The following LOC128125818 variants were observed in gnomAD, a reference collection of about 807,000 sequenced individuals.
At chr4:6,065,157 C>T in the LOC128125818 span, 4 of 985,742 alleles carry the variant, frequency 4.1e-6, no homozygotes, top group African/African-American at 1.6e-5. The surrounding 1 kb of genome is among the most constrained non-coding windows in gnomAD (Gnocchi z 5.1). Context: ...GGCTTCGTAA[C>T]TGACTGGGTG....
chr4:6,065,996 G>T, the LOC128125818 span, among the ~76,000 whole-genome samples: 119 of 151,214 alleles, frequency 7.9e-4, no homozygotes, highest in African/African-American at 1.8e-3. This position sits in a 1 kb window ranked among gnomAD's most constrained non-coding sequence, Gnocchi z 5.1. Context: ...GCTTTTTTGG[G>T]TTTTTTTTTC....
At chr4:6,068,558 CT>C in the LOC128125818 span, among the ~76,000 whole-genome samples, 164 of 136,268 alleles carry the variant, frequency 1.2e-3, no homozygotes, top group African/African-American at 2.7e-3. Flanking sequence ...AATTTTTTAA[CT>C]TTTTTTTTTT....
chr4:6,066,830 G>T, the LOC128125818 span, among the ~76,000 whole-genome samples: 1 of 152,090 alleles, frequency 6.6e-6, no homozygotes, highest in Non-Finnish European at 1.5e-5. Flanking sequence ...CAAGTGGTCT[G>T]CGAGGCCCTA....
the LOC128125818 span, among the ~76,000 whole-genome samples, chr4:6,067,560 C>T: frequency 4.8e-4 from 72 of 150,136 alleles, no homozygotes; most frequent in Admixed American, 9.3e-4. This position sits in a 1 kb window ranked among gnomAD's most constrained non-coding sequence, Gnocchi z 4.6. Context: ...ATGGCACCCA[C>T]GGGAGTGATG....
the LOC128125818 span, among the ~76,000 whole-genome samples, chr4:6,068,032 T>C: frequency 6.6e-6 from 1 of 152,226 alleles, no homozygotes; most frequent in Non-Finnish European, 1.5e-5. Flanking sequence ...GCTGTGACCA[T>C]CCACGTCAGC....
At chr4:6,068,824 C>T in the LOC128125818 span, among the ~76,000 whole-genome samples, 6 of 152,134 alleles carry the variant, frequency 3.9e-5, no homozygotes, top group African/African-American at 1.4e-4. Context: ...TCTACCTCGA[C>T]CTCCCAAAGT....
the LOC128125818 span, among the ~76,000 whole-genome samples, chr4:6,068,501 T>C: frequency 6.6e-6 from 1 of 151,928 alleles, no homozygotes; most frequent in African/African-American, 2.4e-5. Context: ...CAGCAACGAG[T>C]TGTCTGGGAC....
chr4:6,066,991 AG>A, the LOC128125818 span, among the ~76,000 whole-genome samples: 2 of 152,072 alleles, frequency 1.3e-5, no homozygotes, highest in African/African-American at 4.8e-5. Context: ...AGATTCCCTT[AG>A]GTCTCTGCAC....
At chr4:6,065,793 C>A in the LOC128125818 span, among the ~76,000 whole-genome samples, 10 of 152,282 alleles carry the variant, frequency 6.6e-5, no homozygotes, top group African/African-American at 1.9e-4. The surrounding 1 kb of genome is among the most constrained non-coding windows in gnomAD (Gnocchi z 5.1). Context: ...GGGCTTCATT[C>A]ATCTGTCTAT....
At chr4:6,067,118 C>T in the LOC128125818 span, among the ~76,000 whole-genome samples, 7 of 152,176 alleles carry the variant, frequency 4.6e-5, no homozygotes, top group Admixed American at 6.5e-5. This position sits in a 1 kb window ranked among gnomAD's most constrained non-coding sequence, Gnocchi z 4.6. Flanking sequence ...CACATCTCCC[C>T]GCTGACGTAA....
chr4:6,065,571 G>A, the LOC128125818 span, among the ~76,000 whole-genome samples: 3 of 152,188 alleles, frequency 2.0e-5, no homozygotes, highest in African/African-American at 4.8e-5. This position sits in a 1 kb window ranked among gnomAD's most constrained non-coding sequence, Gnocchi z 5.1. Context: ...GCAAATGTGT[G>A]GCCCAAGTCC....
chr4:6,067,869 C>T, the LOC128125818 span, among the ~76,000 whole-genome samples: 1 of 152,104 alleles, frequency 6.6e-6, no homozygotes, highest in Non-Finnish European at 1.5e-5. The surrounding 1 kb of genome is among the most constrained non-coding windows in gnomAD (Gnocchi z 4.6). Flanking sequence ...CTGAGCTCCA[C>T]GTTCCACATT....
the LOC128125818 span, among the ~76,000 whole-genome samples, chr4:6,066,518 T>TTATGGCATTGTG: frequency 6.6e-6 from 1 of 152,078 alleles, no homozygotes; most frequent in Admixed American, 6.5e-5. Context: ...GCTGCGTCCT[T>TTATGGCATTGTG]TATGGCATTG....
the LOC128125818 span, among the ~76,000 whole-genome samples, chr4:6,068,930 T>C: frequency 2.0e-5 from 3 of 152,226 alleles, no homozygotes; most frequent in Admixed American, 6.5e-5. Context: ...TTTATAACAC[T>C]GGGTTAGTTT....
At chr4:6,066,396 T>C in the LOC128125818 span, among the ~76,000 whole-genome samples, 1 of 152,188 alleles carries the variant, frequency 6.6e-6, no homozygotes, top group African/African-American at 2.4e-5. Flanking sequence ...AGAACGTTCT[T>C]GCATTTGGCA....
the LOC128125818 span, among the ~76,000 whole-genome samples, chr4:6,069,224 TAAAAAA>T: frequency 6.6e-6 from 1 of 151,920 alleles, no homozygotes; most frequent in African/African-American, 2.4e-5. This position sits in a 1 kb window ranked among gnomAD's most constrained non-coding sequence, Gnocchi z 4.5. Flanking sequence ...CAGTGGGCTT[TAAAAAA>T]AATGGCAAAC....
At chr4:6,066,891 C>T in the LOC128125818 span, among the ~76,000 whole-genome samples, 714 of 152,168 alleles carry the variant, frequency 4.7e-3, 3 homozygotes, top group Non-Finnish European at 7.9e-3. Flanking sequence ...TCTCCTCCTC[C>T]GCTCCAGGCT....
chr4:6,068,544 T>A, the LOC128125818 span, among the ~76,000 whole-genome samples: 754 of 139,024 alleles, frequency 5.4e-3, 4 homozygotes, highest in African/African-American at 0.018. Flanking sequence ...TGGGTATTTT[T>A]AAAAATTTTT....
chr4:6,068,855 C>T, the LOC128125818 span, among the ~76,000 whole-genome samples: 16 of 152,152 alleles, frequency 1.1e-4, no homozygotes, highest in Non-Finnish European at 2.2e-4. Context: ...CAGGTGTGAG[C>T]CATCATGCCC....
Sources: gnomAD v4.1 joint callset for allele counts (sites outside exome capture counted in the v4.1 genomes callset) on GRCh38, gnomAD v4.1.1 for gene constraint, Gnocchi (gnomAD v3.1) non-coding constraint, MANE v1.5 for transcripts.